The following SH2B1 variants were observed in gnomAD, a reference collection of about 807,000 sequenced individuals.
SH2B1 encodes SH2B adapter protein 1.
Under a neutral mutation model 62.6 loss-of-function variants are expected in SH2B1, and 15 were observed. That is an observed-to-expected ratio of 0.24 (90% CI 0.16 to 0.37). The LOEUF (loss-of-function observed/expected upper bound fraction) is 0.37, where lower values mean the gene tolerates loss of function less well. SH2B1 is among the 10% of genes least tolerant of loss of function. The pLI, the probability that SH2B1 is intolerant of heterozygous loss-of-function variation, is 1.00. For missense variants in SH2B1, 925 were observed against 1,015.6 expected (o/e 0.91, Z 1.21); for synonymous variants, 443 against 438.0 (o/e 1.01, Z -0.14).
At chr16:28,863,721 C>G (rs1357762407), upstream of SH2B1, 2 of 1,535,476 alleles carry the variant, frequency 1.3e-6, no homozygotes, top group Non-Finnish European at 1.7e-6. Context: ...TCTTCGGTCT[C>G]CTGGGGTCGG....
In SH2B1 at chr16:28,852,357, T is replaced by TATATTTAC. The variant is rs1567458341; in HGVS notation, c.-301+5534_-301+5535insTTACATAT. On this transcript the variant is annotated intron_variant, in intron 1 of 10. Transcript: ENST00000322610. ...ATATATATTTACATATATATTTATA[T>TATATTTAC]ATATATTTATATATATTTACATATA... 3.6e-4 allele frequency among the ~76,000 whole-genome samples: 32 copies of TATATTTAC among 88,370 alleles called. 7 individuals carry two copies. Among genetic ancestry groups the TATATTTAC allele is most frequent in the Non-Finnish European group, 6.0e-4 (31 of 51,944 alleles). 58.0% of individuals were successfully genotyped at this position (88,370 alleles called of 152,430 possible).
chr16:28,859,214 G>C (rs1171405238), upstream of SH2B1, among the ~76,000 whole-genome samples: 1 of 151,998 alleles, frequency 6.6e-6, no homozygotes, highest in Non-Finnish European at 1.5e-5. Context: ...AATGTGTTGG[G>C]ATTACAGGTG....
rs1963096286 is a variant in SH2B1, at chr16:28,872,460, G to C, written c.1725+59G>C. ...GCATAGTTGGCAGTGGGGTGGGGGA[G>C]CACTGCCGGGGGAGGGGGTTTGTAC... On this transcript the variant is annotated intron_variant, in intron 6 of 7. Transcript: ENST00000684370. The surrounding 1 kb of genome is among the most constrained non-coding windows in gnomAD (Gnocchi z 5.3). 2 of 1,569,072 alleles carry C rather than the reference G, an allele frequency of 1.3e-6. No homozygotes were observed. The highest frequency in any genetic ancestry group is 2.7e-5 in the African/African-American group (2 of 74,448).
rs1443809680 is a variant in SH2B1 at position 28,873,444 on chromosome 16, C to T, written c.1898-3C>T. 1.3e-6 allele frequency: 2 copies of T among 1,569,082 alleles called. No homozygotes were observed. Among genetic ancestry groups the T allele is most frequent in the African/African-American group, 2.7e-5 (2 of 73,014 alleles). On this transcript the variant is annotated splice_polypyrimidine_tract_variant and splice_region_variant and intron_variant, in intron 7 of 7. Coordinates refer to ENST00000684370, the MANE Select transcript of SH2B1 (RefSeq NM_001387430.1). The surrounding 1 kb of genome is among the most constrained non-coding windows in gnomAD (Gnocchi z 4.2). ...AGTCTGTTTTCTTACCATTCCTATC[C>T]AGAACCGACCACCTCCCATGACCCA... is the stretch of plus-strand genomic sequence containing the variant.
intron 1 of SH2B1, among the ~76,000 whole-genome samples, chr16:28,848,481 A>G (rs9972693): frequency 0.34 from 51,755 of 151,712 alleles, 9,493 homozygotes; most frequent in Admixed American, 0.41. Context: ...AGAGGAGTTT[A>G]GGAAACTCTG....
At position 28,853,680 on chromosome 16, in the gene SH2B1, C is replaced by T. The variant is rs541951920; in HGVS notation, c.-301+6853C>T. Among the ~76,000 whole-genome samples, 18 of 151,766 alleles carry T rather than the reference C, an allele frequency of 1.2e-4. 1 individual carries two copies. The highest frequency in any genetic ancestry group is 1.9e-4 in the Non-Finnish European group (13 of 67,908). On this transcript the variant is annotated intron_variant, in intron 1 of 10. Coordinates refer to the SH2B1 transcript ENST00000322610. ...CCCAATACCTTTCACATCCATTCTC[C>T]GTGCAGCAGCCAGATCAGTCTTTAA...
intron 1 of SH2B1, among the ~76,000 whole-genome samples, chr16:28,847,206 G>A (rs1218589797): frequency 6.6e-6 from 1 of 152,234 alleles, no homozygotes; most frequent in Non-Finnish European, 1.5e-5. Flanking sequence ...AGGGGAGCCT[G>A]AGTCTCCTTT....
At chr16:28,857,904 G>T (rs779775538) in intron 1 of SH2B1, among the ~76,000 whole-genome samples, 1 of 151,936 alleles carries the variant, frequency 6.6e-6, no homozygotes, top group African/African-American at 2.4e-5. Context: ...CACACCTGGC[G>T]AATTTTTGGT....
rs1004599998 is a variant in SH2B1 at position 28,871,835 on chromosome 16, C to T, written c.1365C>T (p.Ala455=). 9 of 1,613,950 alleles carry T rather than the reference C, an allele frequency of 5.6e-6. No homozygotes were observed. The highest frequency in any genetic ancestry group is 3.3e-5 in the Admixed American group (2 of 60,006). The part of the protein sequence containing the change: ...RPSASISPSS[A]SIAASHFDSM... ...CGGCATCCATCTCCCCCAGCTCTGC[C>T]TCCATTGCCGCCTCCCATTTTGACT... The change falls in exon 5 of 8, where the codon GCC becomes GCT. Residue 455 remains alanine, a synonymous_variant. Coordinates refer to ENST00000684370, the MANE Select transcript of SH2B1 (RefSeq NM_001387430.1).
chr16:28,852,089 A>T (rs954479555), intron 1 of SH2B1, among the ~76,000 whole-genome samples: 5 of 148,722 alleles, frequency 3.4e-5, no homozygotes, highest in African/African-American at 1.2e-4. Context: ...AAAGAAATTT[A>T]AAAAAAAGAG....
Position 28,871,767 on chromosome 16 carries a change from T to C in SH2B1, c.1310-13T>C. On this transcript the variant is annotated splice_polypyrimidine_tract_variant and intron_variant, in intron 4 of 7. Transcript: ENST00000684370. ...ATTTCTTGGGTTCTCAGCTTTGCCC[T>C]TTTTTTTTCCAGGGGCATATGGGGG... 1 of 1,578,638 alleles carries C rather than the reference T, an allele frequency of 6.3e-7. No homozygotes were observed. The highest frequency in any genetic ancestry group is 8.7e-7 in the Non-Finnish European group (1 of 1,150,740).
chr16:28,862,154 TCTCACTGTGCTCATGCTTTCAACTACC>T (rs1473649349), upstream of SH2B1: 2 of 152,202 alleles, frequency 1.3e-5, no homozygotes, highest in Admixed American at 6.5e-5. Context: ...GGGTGGAGGA[TCTCACTGTGCTCATGCTTTCAACTACC>T]CTCCGTACTT....
At chr16:28,868,565 T>G (rs868815440) in intron 2 of SH2B1, among the ~76,000 whole-genome samples, 14 of 152,088 alleles carry the variant, frequency 9.2e-5, no homozygotes, top group Admixed American at 3.9e-4. Flanking sequence ...GTTCAAGCGA[T>G]TCTCCTGTCT....
intron 4 of SH2B1, among the ~76,000 whole-genome samples, chr16:28,870,801 A>G (rs1020540029): frequency 3.3e-5 from 5 of 151,914 alleles, no homozygotes; most frequent in African/African-American, 1.2e-4. Context: ...TTCCTGCGTC[A>G]GCGGCTTAAG....
chr16:28,849,678 G>A (rs1231472451), intron 1 of SH2B1, among the ~76,000 whole-genome samples: 1 of 152,184 alleles, frequency 6.6e-6, no homozygotes, highest in Admixed American at 6.5e-5. Context: ...TATAATCCCA[G>A]CACTTTGGGA....
rs1567458032 is a variant in SH2B1 at position 28,852,219 on chromosome 16, T to TAA, written c.-301+5393_-301+5394insAA. On this transcript the variant is annotated intron_variant, in intron 1 of 10. Transcript: ENST00000322610. The stretch of plus-strand genomic sequence containing the variant: ...ATTTATATATTTACATATATATATT[T>TAA]ACATATATATTTACATATATATATT... Among the ~76,000 whole-genome samples the TAA allele has an allele frequency of 3.0e-5, 2 of 67,480 alleles. 1 individual carries two copies. Among genetic ancestry groups the TAA allele is most frequent in the East Asian group, 2.0e-3 (2 of 1,016 alleles). 44.3% of individuals were successfully genotyped at this position (67,480 alleles called of 152,430 possible). A position where few individuals can be genotyped will look rare whatever the true frequency, so the allele number is the denominator to read the frequency against.
rs1391523277 is a variant in SH2B1 at position 28,852,451 on chromosome 16, C to CAT, written c.-301+5631_-301+5632dup. On this transcript the variant is annotated intron_variant, in intron 1 of 10. Coordinates refer to the SH2B1 transcript ENST00000322610. ...ACATATATATTTATATATATATTTA[C>CAT]ATATATATTTATATATATACATATA... 2.3e-5 allele frequency among the ~76,000 whole-genome samples: 2 copies of CAT among 85,322 alleles called. 1 individual carries two copies. Among genetic ancestry groups the CAT allele is most frequent in the East Asian group, 6.1e-4 (2 of 3,260 alleles). The allele number at this position is 85,322 out of a possible 152,430, so 56.0% of individuals were successfully genotyped here.
intron 1 of SH2B1, among the ~76,000 whole-genome samples, chr16:28,849,758 C>G (rs1962056925): frequency 6.6e-6 from 1 of 152,022 alleles, no homozygotes; most frequent in Non-Finnish European, 1.5e-5. Context: ...GAAATCCCGT[C>G]TTTACTAAAA....
chr16:28,857,196 T>C (rs551011873), intron 1 of SH2B1, among the ~76,000 whole-genome samples: 2 of 151,770 alleles, frequency 1.3e-5, no homozygotes, highest in Non-Finnish European at 2.9e-5. Context: ...GGCAGGAGGA[T>C]TGCTTGAACC....
Sources: allele counts gnomAD v4.1 joint callset (sites outside exome capture counted in the v4.1 genomes callset), GRCh38; gene constraint gnomAD v4.1.1; non-coding constraint Gnocchi (gnomAD v3.1); transcripts MANE v1.5; gene names NCBI Gene and HGNC (gene_info 2026-07-23, HGNC 2026-07-21).